AGRN: variants seen among roughly 807,000 people sequenced by gnomAD.
AGRN encodes the protein agrin proteoglycan.
A neutral mutation model predicts 211.0 loss-of-function variants in AGRN; 106 were observed. The observed-to-expected ratio is 0.50, with a 90% CI of 0.43 to 0.59. The LOEUF (loss-of-function observed/expected upper bound fraction) is 0.59. Ranked by LOEUF, AGRN falls within the 20% of genes least tolerant of loss-of-function variation. The pLI is 0.00. For missense variants in AGRN, 3,040 were observed against 2,982.6 expected, an observed-to-expected ratio of 1.02 and a Z score of -0.45; for synonymous variants, 1,525 against 1,332.5, an observed-to-expected ratio of 1.14 and a Z score of -3.15.
Position 1,022,364 on chromosome 1 carries a change from C to A in AGRN, c.365C>A (p.Pro122Gln), listed in dbSNP as rs1644425277. The change falls in exon 2 of 36, where the codon CCA (proline) becomes CAA (glutamine). Residue 122 changes from proline (P) to glutamine (Q), a missense_variant. By Grantham distance (76) the Pro-to-Gln change is moderately conservative (BLOSUM62 -1). This residue lies in a region of AGRN where 1,498 missense variants were observed against 1,457.8 expected (regional missense o/e 1.03). Coordinates refer to ENST00000379370, the MANE Select transcript of AGRN (RefSeq NM_198576.4). Reference protein sequence around the residue: ...TRIFFVNPAPPYLWPAHKNEL... With the variant: ...TRIFFVNPAPQYLWPAHKNEL... ...ATCTTCTTTGTGAACCCTGCACCCC[C>A]ATACCTGTGGCCAGCCCACAAGAAC... is the stretch of plus-strand genomic sequence containing the variant. 14 of 1,613,412 alleles carry A rather than the reference C, an allele frequency of 8.7e-6. No individual in the cohort carries two copies. Among genetic ancestry groups the A allele is most frequent in the Non-Finnish European group, 1.1e-5 (13 of 1,180,012 alleles).
chr1:1,022,369 C>G lies in AGRN; in HGVS notation c.370C>G (p.Leu124Val), dbSNP rs1393487511. The G allele has an allele frequency of 6.2e-7, 1 of 1,613,252 alleles. No homozygotes were observed. The highest frequency in any genetic ancestry group is 8.5e-7 in the Non-Finnish European group (1 of 1,180,016). Reference protein sequence around the residue: ...IFFVNPAPPYLWPAHKNELML... With the variant: ...IFFVNPAPPYVWPAHKNELML... Reference sequence around the variant, plus strand: ...CTTTGTGAACCCTGCACCCCCATACCTGTGGCCAGCCCACAAGAACGAGCT... The same window carrying G: ...CTTTGTGAACCCTGCACCCCCATACGTGTGGCCAGCCCACAAGAACGAGCT... The change falls in exon 2 of 36, where the codon CTG becomes GTG. Residue 124 changes from leucine to valine, a missense_variant. Coordinates refer to ENST00000379370, the MANE Select transcript of AGRN (RefSeq NM_198576.4).
rs767934845 is a variant in AGRN, at chr1:1,051,485, G to A, written c.5403G>A (p.Pro1801=). The A allele has an allele frequency of 7.6e-6, 12 of 1,570,314 alleles. No homozygotes were observed. Among genetic ancestry groups the A allele is most frequent in the Middle Eastern group, 3.7e-4 (2 of 5,374 alleles). The change falls in exon 32 of 36, where the codon CCG becomes CCA. Residue 1801 remains proline (P), a synonymous_variant. Transcript: ENST00000379370. ...TCGGAGGCCGCCAGCTGCTGACCCCGGAGCACGTGCTGCGGCAGGTGGACG... is the reference window on the plus strand; with the variant it reads ...TCGGAGGCCGCCAGCTGCTGACCCCAGAGCACGTGCTGCGGCAGGTGGACG... ...VSLGGRQLLT[P]EHVLRQVDVT... is the part of the protein sequence containing the mutation.
chr1:1,035,248 G>C lies in AGRN; in HGVS notation c.464-29G>C, dbSNP rs372229871. Reference sequence around the variant, plus strand: ...GACAGGGAGGAGCCTGCTCAGAGGAGCCTAACTTGGGGATTTGTTTTCTTC... The same window carrying C: ...GACAGGGAGGAGCCTGCTCAGAGGACCCTAACTTGGGGATTTGTTTTCTTC... On this transcript the variant is annotated intron_variant, in intron 2 of 35. Coordinates refer to ENST00000379370, the MANE Select transcript of AGRN (RefSeq NM_198576.4). 1.1e-5 allele frequency: 17 copies of C among 1,612,536 alleles called. No homozygotes were observed. In the African/African-American group the frequency reaches 1.7e-4, roughly 16 times the overall value.
chr1:1,029,671 A>G (rs1444488098), intron 2 of AGRN, among the ~76,000 whole-genome samples: 9 of 48,970 alleles, frequency 1.8e-4, no homozygotes, highest in African/African-American at 3.0e-4. Flanking sequence ...TGAGATCAGC[A>G]TGTGTGTGTG....
In AGRN at chr1:1,051,379, G is replaced by T; in HGVS notation, c.5370+10G>T. 4 of 1,558,196 alleles carry T rather than the reference G, an allele frequency of 2.6e-6. No individual in the cohort carries two copies. The highest frequency in any genetic ancestry group is 2.3e-5 in the East Asian group (1 of 42,654). ...CGGTGCCATCCAGCTGGTATGTGGGGGCGGGGCGTCCCAGCAGGGCCTCCG... is the reference window on the plus strand; with the variant it reads ...CGGTGCCATCCAGCTGGTATGTGGGTGCGGGGCGTCCCAGCAGGGCCTCCG... On this transcript the variant is annotated intron_variant, in intron 31 of 35. Transcript: ENST00000379370.
Position 1,048,374 on chromosome 1 carries a change from G to A in AGRN, c.4105+9G>A, listed in dbSNP as rs1388703776. The A allele has an allele frequency of 2.1e-6, 3 of 1,444,620 alleles. No homozygotes were observed. The African/African-American group carries it at 4.3e-5, about 21-fold the overall frequency. The allele number at this position is 1,444,620 out of a possible 1,614,324, so 89.5% of individuals were successfully genotyped here. A position where few individuals can be genotyped will look rare whatever the true frequency, so the allele number is the denominator to read the frequency against. The stretch of plus-strand genomic sequence containing the variant: ...CGCCGTCTGTGAGAAGGGTAAGGAT[G>A]TCCACTGCAGAGGAGGGCGGGGAGG... On this transcript the variant is annotated intron_variant, in intron 23 of 35. Transcript: ENST00000379370. This position sits in a 1 kb window ranked among gnomAD's most constrained non-coding sequence, Gnocchi z 5.9.
At position 1,048,132 on chromosome 1, in the gene AGRN, C is replaced by A; in HGVS notation, c.3872C>A (p.Pro1291His). ...SSAVTPRAPH[P>H]SHTSQPVAKT... is the part of the protein sequence containing the mutation. ...GCTGTGACCCCTCGGGCCCCGCACC[C>A]CAGTCACACAAGCCAGCCCGTTGCC... The change falls in exon 23 of 36, where the codon CCC (proline) becomes CAC (histidine). Residue 1291 changes from proline (P) to histidine (H), a missense_variant. Pro to His is a moderately conservative substitution (Grantham distance 77). Around this residue, in one of 3 missense-constraint regions of AGRN, gnomAD observed 1,537 missense variants for 1,505.0 expected, o/e 1.02. Coordinates refer to ENST00000379370, the MANE Select transcript of AGRN (RefSeq NM_198576.4). This position sits in a 1 kb window ranked among gnomAD's most constrained non-coding sequence, Gnocchi z 5.9. The A allele has an allele frequency of 1.3e-6, 2 of 1,572,712 alleles. No homozygotes were observed.
intron 34 of AGRN, 32 bp from the exon 35 acceptor site, chr1:1,054,416 C>A: frequency 6.5e-7 from 1 of 1,539,062 alleles, no homozygotes; most frequent in Non-Finnish European, 8.8e-7. Flanking sequence ...GAACTCTGGG[C>A]CCTGATGGTC....
chr1:1,043,770 G>A lies in AGRN; in HGVS notation c.1798+38G>A, dbSNP rs201288456. 77 of 1,604,666 alleles carry A rather than the reference G, an allele frequency of 4.8e-5. No homozygotes were observed. The African/African-American group carries it at 9.9e-4, about 21-fold the overall frequency. ...CTGGGGCCGGGCGGGCCAGGGTCCT[G>A]TGCCTCCCTCAGCCTGGGCCTGCCG... On this transcript the variant is annotated intron_variant, in intron 9 of 35. Transcript: ENST00000379370.
Position 1,051,241 on chromosome 1 carries a change from G to A in AGRN, c.5254-12G>A, listed in dbSNP as rs753248548. On this transcript the variant is annotated splice_polypyrimidine_tract_variant and intron_variant, in intron 30 of 35. Coordinates refer to ENST00000379370, the MANE Select transcript of AGRN (RefSeq NM_198576.4). ...TGGGCTCTGCACAGCCACTTACCTG[G>A]CGTCCCCGCAGGTTCCGCACACCGT... 7.6e-6 allele frequency: 12 copies of A among 1,580,160 alleles called. No individual in the cohort carries two copies. Among genetic ancestry groups the A allele is most frequent in the Middle Eastern group, 3.4e-4 (2 of 5,860 alleles).
chr1:1,050,257 C>A lies in AGRN; in HGVS notation c.4904C>A (p.Pro1635His), dbSNP rs145341123. ...QTASGQDGSGPFLADFNGFSH... is the reference protein window; with the variant it reads ...QTASGQDGSGHFLADFNGFSH... Reference sequence around the variant, plus strand: ...GCCTCGGGGCAGGACGGCTCTGGGCCCTTCCTGGCTGACTTCAACGGCTTC... The same window carrying A: ...GCCTCGGGGCAGGACGGCTCTGGGCACTTCCTGGCTGACTTCAACGGCTTC... The change falls in exon 28 of 36, where the codon CCC (proline) becomes CAC (histidine). Residue 1635 changes from proline (P) to histidine (H), a missense_variant. By Grantham distance (77) the Pro-to-His change is moderately conservative. This residue lies in a region of AGRN where 1,537 missense variants were observed against 1,505.0 expected (regional missense o/e 1.02). Transcript: ENST00000379370. 2.2e-5 allele frequency: 36 copies of A among 1,613,014 alleles called. No individual in the cohort carries two copies. The highest frequency in any genetic ancestry group is 2.9e-5 in the Non-Finnish European group (34 of 1,179,944).
chr1:1,030,926 C>CAT (rs1553172795), intron 2 of AGRN, among the ~76,000 whole-genome samples: 1 of 31,682 alleles, frequency 3.2e-5, no homozygotes, highest in South Asian at 1.4e-3. Flanking sequence ...GTGAGATCAG[C>CAT]GTGTGTGTGT....
intron 7 of AGRN, 87 bp from the exon 8 acceptor site, chr1:1,043,152 G>A (rs1644991275): frequency 7.8e-6 from 11 of 1,415,692 alleles, no homozygotes; most frequent in Admixed American, 4.0e-5. Context: ...CCCCTCCCTG[G>A]AAGAGGGACT....
intron 12 of AGRN, among the ~76,000 whole-genome samples, 164 bp downstream of exon 12, chr1:1,044,603 C>T (rs1023631769): frequency 2.0e-5 from 3 of 152,138 alleles, no homozygotes; most frequent in Non-Finnish European, 2.9e-5. Flanking sequence ...ATTTGTGCAG[C>T]TGCGTGTGTG....
intron 3 of AGRN, among the ~76,000 whole-genome samples, chr1:1,040,136 C>G (rs1052013218): frequency 1.3e-5 from 2 of 152,192 alleles, no homozygotes; most frequent in Non-Finnish European, 2.9e-5. Flanking sequence ...TGGGTGCGAC[C>G]CGGGCGGGAG....
chr1:1,040,699 G>A lies in AGRN; in HGVS notation c.546G>A (p.Val182=). 6.5e-7 allele frequency: 1 copy of A among 1,547,802 alleles called. No homozygotes were observed. The highest frequency in any genetic ancestry group is 1.2e-5 in the South Asian group (1 of 84,028). The change falls in exon 4 of 36, where the codon GTG becomes GTA. Residue 182 remains valine, a synonymous_variant. Coordinates refer to ENST00000379370, the MANE Select transcript of AGRN (RefSeq NM_198576.4). ...GAATGCTGTGCGGCTTCGGCGCCGTGTGCGAGCCCAACGCGGAGGGGCCGG... is the reference window on the plus strand; with the variant it reads ...GAATGCTGTGCGGCTTCGGCGCCGTATGCGAGCCCAACGCGGAGGGGCCGG... ...CRGMLCGFGA[V]CEPNAEGPGR...
chr1:1,047,444 T>C lies in AGRN; in HGVS notation c.3506T>C (p.Ile1169Thr). 1 of 1,612,762 alleles carries C rather than the reference T, an allele frequency of 6.2e-7. No homozygotes were observed. Among genetic ancestry groups the C allele is most frequent in the Non-Finnish European group, 8.5e-7 (1 of 1,179,932 alleles). ...SELFGETARS[I>T]ESTLDDLFRN... The stretch of plus-strand genomic sequence containing the variant: ...CTGTTCGGGGAGACAGCCAGGAGCA[T>C]TGAGAGCACCGTAAGACGGGGGCGC... Residue 1169 changes from isoleucine (I) to threonine (T), a missense_variant, in exon 20 of 36, where the codon ATT becomes ACT. Ile to Thr is a moderately conservative substitution (Grantham distance 89). Around this residue, in one of 3 missense-constraint regions of AGRN, gnomAD observed 1,537 missense variants for 1,505.0 expected, o/e 1.02. Coordinates refer to ENST00000379370, the MANE Select transcript of AGRN (RefSeq NM_198576.4).
In AGRN at chr1:1,042,072, G is replaced by A. The variant is rs1325505769; in HGVS notation, c.1294G>A (p.Asp432Asn). 3 of 1,606,656 alleles carry A rather than the reference G, an allele frequency of 1.9e-6. No homozygotes were observed. In the African/African-American group the frequency reaches 4.0e-5, roughly 21 times the overall value. The change falls in exon 7 of 36, where the codon GAC (aspartate) becomes AAC (asparagine). Residue 432 changes from aspartate to asparagine, a missense_variant. Physicochemically the swap from Asp to Asn is conservative, Grantham distance 23 (BLOSUM62 1). This residue lies in a region of AGRN where 1,498 missense variants were observed against 1,457.8 expected (regional missense o/e 1.03). Transcript: ENST00000379370. Reference protein sequence around the residue: ...DGAYRPVCAQDGRTYDSDCWR... With the variant: ...DGAYRPVCAQNGRTYDSDCWR... ...GGCCTACAGGCCCGTGTGTGCCCAGGACGGGCGCACGTATGACAGTGATTG... is the reference window on the plus strand; with the variant it reads ...GGCCTACAGGCCCGTGTGTGCCCAGAACGGGCGCACGTATGACAGTGATTG...
In AGRN at chr1:1,041,600, G is replaced by A; in HGVS notation, c.1075G>A (p.Asp359Asn). The change falls in exon 6 of 36, where the codon GAC (aspartate) becomes AAC (asparagine). Residue 359 changes from aspartate to asparagine, a missense_variant. By Grantham distance (23) the Asp-to-Asn change is conservative. Around this residue, in one of 3 missense-constraint regions of AGRN, gnomAD observed 1,498 missense variants for 1,457.8 expected, o/e 1.03. Transcript: ENST00000379370. ...CPARQAPVCGDDGVTYENDCV... is the reference protein window; with the variant it reads ...CPARQAPVCGNDGVTYENDCV... ...TGCCCGGCAGGCGCCAGTGTGTGGG[G>A]ACGACGGAGTCACCTACGAAAACGA... 6.2e-7 allele frequency: 1 copy of A among 1,611,272 alleles called. No homozygotes were observed. The highest frequency in any genetic ancestry group is 8.5e-7 in the Non-Finnish European group (1 of 1,179,336).
Sources: gnomAD v4.1 joint callset for allele counts (sites outside exome capture counted in the v4.1 genomes callset) on GRCh38, gnomAD v4.1.1 for gene constraint, gnomAD v4.1.1 regional missense constraint, Gnocchi (gnomAD v3.1) non-coding constraint, MANE v1.5 for transcripts, NCBI Gene and HGNC (gene_info 2026-07-23, HGNC 2026-07-21) for gene names.